ARID5B: variants seen among roughly 807,000 people sequenced by gnomAD.
ARID5B encodes AT-rich interaction domain 5B.
In ARID5B, 13 loss-of-function variants were observed where a neutral mutation model predicts 97.2. The observed-to-expected ratio is 0.13, with a 90% CI of 0.09 to 0.21. The LOEUF (loss-of-function observed/expected upper bound fraction) is 0.21. ARID5B is among the 10% of genes least tolerant of loss of function. ARID5B has a pLI of 1.00. For missense variants in ARID5B, 1,210 were observed against 1,465.3 expected (o/e 0.83, Z 2.84); for synonymous variants, 556 against 570.3 (o/e 0.97, Z 0.36).
At chr10:62,062,132 T>C (rs1397777628) in intron 7 of ARID5B, among the ~76,000 whole-genome samples, 1 of 152,210 alleles carries the variant, frequency 6.6e-6, no homozygotes, top group African/African-American at 2.4e-5. Context: ...CTGTGAGATG[T>C]TCAATGGGCA....
chr10:61,956,431 G>C (rs1353207448), intron 3 of ARID5B, among the ~76,000 whole-genome samples: 1 of 152,126 alleles, frequency 6.6e-6, no homozygotes, highest in Admixed American at 6.6e-5. Flanking sequence ...GGGGACCACT[G>C]GTTTATAGCA....
At chr10:61,995,108 G>A (rs140989979) in intron 3 of ARID5B, among the ~76,000 whole-genome samples, 1 of 152,190 alleles carries the variant, frequency 6.6e-6, no homozygotes, top group Non-Finnish European at 1.5e-5. Context: ...CAACCAACTA[G>A]AGTGTGTTAG....
rs372706089 is a variant in ARID5B at position 62,059,699 on chromosome 10, C to A, written c.1101+404C>A. On this transcript the variant is annotated intron_variant, in intron 7 of 9. Coordinates refer to ENST00000279873, the MANE Select transcript of ARID5B (RefSeq NM_032199.3). ...GGCTTTCAAAAGTAATCAGTATTGGCCATTAAGGAATAGAATGCAGCAGAA... is the reference window on the plus strand; with the variant it reads ...GGCTTTCAAAAGTAATCAGTATTGGACATTAAGGAATAGAATGCAGCAGAA... Among the ~76,000 whole-genome samples the A allele has an allele frequency of 9.2e-5, 14 of 152,190 alleles. No homozygotes were observed. In the East Asian group the frequency reaches 1.7e-3, roughly 19 times the overall value.
At chr10:61,952,373 C>T (rs910526489) in intron 3 of ARID5B, among the ~76,000 whole-genome samples, 1 of 152,204 alleles carries the variant, frequency 6.6e-6, no homozygotes, top group Non-Finnish European at 1.5e-5. Flanking sequence ...CTTATCTTAT[C>T]ACATTTAGTG....
intron 2 of ARID5B, among the ~76,000 whole-genome samples, chr10:61,910,343 T>C (rs1473014933): frequency 2.0e-5 from 3 of 152,228 alleles, no homozygotes; most frequent in Non-Finnish European, 4.4e-5. Context: ...TCACTTGTCA[T>C]TTTTTATAGC....
intron 8 of ARID5B, among the ~76,000 whole-genome samples, chr10:62,072,881 G>A (rs1197824434): frequency 1.3e-5 from 2 of 152,214 alleles, no homozygotes; most frequent in Non-Finnish European, 2.9e-5. Context: ...TACCAAAGAA[G>A]GGCAGAGGAC....
chr10:61,913,667 G>T (rs984349804), intron 2 of ARID5B, among the ~76,000 whole-genome samples: 2 of 152,218 alleles, frequency 1.3e-5, no homozygotes, highest in Non-Finnish European at 2.9e-5. Context: ...TTATACCAGT[G>T]CATGGTGCCA....
chr10:61,963,125 A>T (rs1207138322), intron 3 of ARID5B, among the ~76,000 whole-genome samples: 1 of 152,214 alleles, frequency 6.6e-6, no homozygotes, highest in Non-Finnish European at 1.5e-5. Context: ...CTCAATTTGT[A>T]TGACATGTGT....
At chr10:62,062,625 G>T (rs4948498) in intron 7 of ARID5B, among the ~76,000 whole-genome samples, 5 of 151,700 alleles carry the variant, frequency 3.3e-5, no homozygotes, top group African/African-American at 1.2e-4. Context: ...ATATTCCTTC[G>T]GCTCAAGAGC....
intron 2 of ARID5B, among the ~76,000 whole-genome samples, chr10:61,912,719 A>G (rs1050034186): frequency 1.3e-5 from 2 of 151,318 alleles, no homozygotes; most frequent in African/African-American, 4.8e-5. Context: ...CATACAGATA[A>G]CTTGTCCTGT....
chr10:62,092,075 C>G lies in ARID5B; in HGVS notation c.2612C>G (p.Pro871Arg). Residue 871 changes from proline to arginine, a missense_variant, in exon 10 of 10, where the codon CCT becomes CGT. By Grantham distance (103) the Pro-to-Arg change is moderately radical. Transcript: ENST00000279873. ...AGGGAATCGGAAAACAGTTCTTTTCCTTCCCACAGACACCAAGAAAAGCTC... is the reference window on the plus strand; with the variant it reads ...AGGGAATCGGAAAACAGTTCTTTTCGTTCCCACAGACACCAAGAAAAGCTC... ...MYRESENSSF[P>R]SHRHQEKLHV... 1 of 1,613,950 alleles carries G rather than the reference C, an allele frequency of 6.2e-7. No individual in the cohort carries two copies. The highest frequency in any genetic ancestry group is 8.5e-7 in the Non-Finnish European group (1 of 1,179,970).
intron 4 of ARID5B, among the ~76,000 whole-genome samples, chr10:62,019,727 C>G (rs527850370): frequency 1.2e-4 from 18 of 152,176 alleles, no homozygotes; most frequent in Non-Finnish European, 2.9e-5. Flanking sequence ...TGAGTTCATT[C>G]GAAGGTGTCC....
At chr10:62,023,910 A>C (rs922293392) in intron 4 of ARID5B, among the ~76,000 whole-genome samples, 4 of 151,458 alleles carry the variant, frequency 2.6e-5, no homozygotes, top group Non-Finnish European at 4.4e-5. Context: ...CGTGTAGATA[A>C]AGTGGTGTTC....
chr10:62,067,621 C>T (rs546531064), intron 7 of ARID5B, among the ~76,000 whole-genome samples: 1 of 152,352 alleles, frequency 6.6e-6, no homozygotes, highest in South Asian at 2.1e-4. Flanking sequence ...GTGTTACCAA[C>T]TTGTTACAAG....
intron 4 of ARID5B, among the ~76,000 whole-genome samples, chr10:62,042,503 G>A (rs950171183): frequency 3.3e-5 from 5 of 152,214 alleles, no homozygotes; most frequent in Non-Finnish European, 7.3e-5. Flanking sequence ...GGCATGGGCT[G>A]AGAAAACAGA....
intron 3 of ARID5B, among the ~76,000 whole-genome samples, chr10:61,995,617 T>C (rs555130752): frequency 1.1e-4 from 17 of 152,086 alleles, no homozygotes; most frequent in Non-Finnish European, 2.2e-4. Flanking sequence ...ACCTTTCATA[T>C]AAAGTTGACC....
intron 2 of ARID5B, among the ~76,000 whole-genome samples, chr10:61,926,209 G>A (rs116804450): frequency 0.017 from 2,552 of 152,216 alleles, 84 homozygotes; most frequent in African/African-American, 0.059. Flanking sequence ...ACAAAAACAC[G>A]ATAAAAATTA....
intron 8 of ARID5B, among the ~76,000 whole-genome samples, chr10:62,080,966 G>A (rs1394869591): frequency 1.3e-5 from 2 of 152,026 alleles, no homozygotes; most frequent in Non-Finnish European, 2.9e-5. Context: ...GGGATTACAG[G>A]CACGTACCAC....
At position 62,092,803 on chromosome 10, in the gene ARID5B, C is replaced by G; in HGVS notation, c.3340C>G (p.Pro1114Ala). The G allele has an allele frequency of 6.2e-7, 1 of 1,614,208 alleles. No homozygotes were observed. The highest frequency in any genetic ancestry group is 1.1e-5 in the South Asian group (1 of 91,078). Residue 1114 changes from proline (P) to alanine (A), a missense_variant, in exon 10 of 10, where the codon CCA becomes GCA. Transcript: ENST00000279873. ...CTTGAAAAACCAGACTGTGCTTTCT[C>G]CACTCATGCAGCCCCTGGCTTTCCA... is the stretch of plus-strand genomic sequence containing the variant. ...QYLKNQTVLS[P>A]LMQPLAFHSL...
Sources: gnomAD v4.1 joint callset for allele counts (sites outside exome capture counted in the v4.1 genomes callset) on GRCh38, gnomAD v4.1.1 for gene constraint, MANE v1.5 for transcripts, NCBI Gene and HGNC (gene_info 2026-07-23, HGNC 2026-07-21) for gene names.